OIT3: variants seen among roughly 807,000 people sequenced by gnomAD.
OIT3 encodes oncoprotein induced transcript 3, also known as oncoprotein-induced transcript 3 protein.
Under a neutral mutation model 52.2 loss-of-function variants are expected in OIT3, and 41 were observed. That is an observed-to-expected ratio of 0.79 (90% CI 0.61 to 1.02). OIT3 has a LOEUF of 1.02. Among genes scored for constraint, OIT3 ranks in the 50% least tolerant of loss-of-function variants. OIT3 has a pLI of 0.00. For missense variants in OIT3, 634 were observed against 715.5 expected (o/e 0.89, Z 1.30); for synonymous variants, 244 against 276.9 (o/e 0.88, Z 1.18).
intron 4 of OIT3, 39 bp downstream of exon 4, chr10:72,906,757 G>C: frequency 6.6e-7 from 1 of 1,519,336 alleles, no homozygotes; most frequent in Non-Finnish European, 8.8e-7. Flanking sequence ...CAAGAGCCCA[G>C]AGGAAGCCAC....
Position 72,900,461 on chromosome 10 carries a change from G to T in OIT3, c.521G>T (p.Gly174Val). The change falls in exon 3 of 9, where the codon GGC becomes GTC. Residue 174 changes from glycine to valine, a missense_variant. Transcript: ENST00000334011. ...ACATGCGCTCCAGGAACTGTGCTAGGCCCTGACAGGCAGACATGCTTTGGT... is the reference window on the plus strand; with the variant it reads ...ACATGCGCTCCAGGAACTGTGCTAGTCCCTGACAGGCAGACATGCTTTGGT... ...ECTCAPGTVL[G>V]PDRQTCFDEN... The T allele has an allele frequency of 6.2e-7, 1 of 1,605,076 alleles. No homozygotes were observed. Among genetic ancestry groups the T allele is most frequent in the South Asian group, 1.1e-5 (1 of 90,852 alleles).
intron 6 of OIT3, chr10:72,918,528 C>T (rs1846094004): frequency 7.0e-7 from 1 of 1,418,646 alleles, no homozygotes; most frequent in Non-Finnish European, 9.8e-7. Context: ...TCCATCGAAT[C>T]TTCCATCGGG....
chr10:72,922,009 C>T (rs1234298577), intron 6 of OIT3, among the ~76,000 whole-genome samples: 1 of 152,126 alleles, frequency 6.6e-6, no homozygotes, highest in Non-Finnish European at 1.5e-5. Flanking sequence ...TGAATATTGG[C>T]CCCCAGTCTC....
chr10:72,929,807 T>G (rs1364050887), intron 7 of OIT3, among the ~76,000 whole-genome samples: 1 of 152,044 alleles, frequency 6.6e-6, no homozygotes, highest in East Asian at 1.9e-4. Flanking sequence ...CCTGCCAGAG[T>G]GCTGGGATTA....
intron 6 of OIT3, chr10:72,917,971 CATT>C (rs1326722906): frequency 4.0e-5 from 34 of 840,090 alleles, no homozygotes; most frequent in Non-Finnish European, 6.5e-5. Flanking sequence ...TCAGCTTCCT[CATT>C]ATCTTCATCA....
At chr10:72,921,691 T>C (rs1846123096) in intron 6 of OIT3, among the ~76,000 whole-genome samples, 1 of 151,320 alleles carries the variant, frequency 6.6e-6, no homozygotes, top group African/African-American at 2.4e-5. Context: ...TTTTTTTTTT[T>C]TAAGACAGTC....
At chr10:72,918,270 A>G (rs1653700555) in intron 6 of OIT3, 1 of 793,724 alleles carries the variant, frequency 1.3e-6, no homozygotes, top group Admixed American at 1.7e-5. Flanking sequence ...AAAGCCCCCA[A>G]GAGAAACCGT....
intron 4 of OIT3, among the ~76,000 whole-genome samples, chr10:72,908,194 G>A (rs1488440122): frequency 6.6e-6 from 1 of 152,002 alleles, no homozygotes; most frequent in African/African-American, 2.4e-5. Context: ...AGTGAGCCAA[G>A]ATAGCGCCAC....
At chr10:72,901,181 A>T (rs1192896862) in intron 3 of OIT3, among the ~76,000 whole-genome samples, 3 of 152,150 alleles carry the variant, frequency 2.0e-5, no homozygotes, top group Non-Finnish European at 2.9e-5. Flanking sequence ...GTTTATTTTT[A>T]AAAAATTTTA....
chr10:72,913,900 C>T (rs1028721861), intron 6 of OIT3, among the ~76,000 whole-genome samples: 3 of 152,234 alleles, frequency 2.0e-5, no homozygotes, highest in Non-Finnish European at 4.4e-5. Flanking sequence ...CTGCACACAG[C>T]CCTGTGCTGG....
intron 8 of OIT3, 97 bp downstream of exon 8, chr10:72,930,734 TG>T (rs1846209856): frequency 2.7e-6 from 2 of 753,556 alleles, no homozygotes; most frequent in African/African-American, 1.8e-5. Flanking sequence ...AGCCCACTGG[TG>T]GGATCTGCAT....
intron 4 of OIT3, among the ~76,000 whole-genome samples, chr10:72,907,230 G>C (rs1012550314): frequency 6.6e-6 from 1 of 152,010 alleles, no homozygotes; most frequent in Non-Finnish European, 1.5e-5. Flanking sequence ...CTATGATTGC[G>C]CCACTGCACT....
In OIT3 at chr10:72,913,482, G is replaced by T. The variant is rs371481704; in HGVS notation, c.951+14G>T. 9 of 1,595,450 alleles carry T rather than the reference G, an allele frequency of 5.6e-6. No individual in the cohort carries two copies. Among genetic ancestry groups the T allele is most frequent in the Non-Finnish European group, 7.7e-6 (9 of 1,165,552 alleles). On this transcript the variant is annotated intron_variant, in intron 6 of 8. Transcript: ENST00000334011. ...ACAGTGGTCGATGTAGGTTCCTCCT[G>T]GAGGGCACTTGGGGAATGACCAAAA...
At chr10:72,913,646 G>A (rs748015801) in intron 6 of OIT3, 178 bp downstream of exon 6, 1 of 696,752 alleles carries the variant, frequency 1.4e-6, no homozygotes, top group South Asian at 1.5e-5. Flanking sequence ...ATCTGCTGTG[G>A]TCCTGGCACT....
chr10:72,923,827 G>A (rs1446428637), intron 6 of OIT3, among the ~76,000 whole-genome samples: 5 of 152,112 alleles, frequency 3.3e-5, no homozygotes, highest in African/African-American at 1.2e-4. Flanking sequence ...CCACAGGCTG[G>A]AATGGCTGAG....
chr10:72,932,487 T>C lies in OIT3; in HGVS notation c.1601T>C (p.Leu534Pro). Reference protein sequence around the residue: ...EDSAGLQGQTLTGGPIRIDWE... With the variant: ...EDSAGLQGQTPTGGPIRIDWE... ...TCAGCCGGTCTACAGGGCCAGACGC[T>C]AACAGGCGGCCCGATCCGCATCGAC... Residue 534 changes from leucine (L) to proline (P), a missense_variant, in exon 9 of 9, where the codon CTA (leucine) becomes CCA (proline). By Grantham distance (98) the Leu-to-Pro change is moderately conservative. Transcript: ENST00000334011. The C allele has an allele frequency of 6.2e-7, 1 of 1,612,844 alleles. No individual in the cohort carries two copies. Among genetic ancestry groups the C allele is most frequent in the Non-Finnish European group, 8.5e-7 (1 of 1,179,416 alleles).
intron 1 of OIT3, among the ~76,000 whole-genome samples, chr10:72,896,333 A>G (rs950571944): frequency 5.9e-5 from 9 of 152,178 alleles, no homozygotes; most frequent in South Asian, 2.1e-4. Context: ...TGGAAACCTT[A>G]TTTGTAAGAA....
At chr10:72,902,359 C>A (rs1457404682) in intron 3 of OIT3, among the ~76,000 whole-genome samples, 2 of 151,894 alleles carry the variant, frequency 1.3e-5, no homozygotes, top group Non-Finnish European at 2.9e-5. Context: ...TAAATGGTTC[C>A]CAAATTAAAC....
Position 72,924,663 on chromosome 10 carries a change from T to C in OIT3, c.1367+19T>C. 6.3e-7 allele frequency: 1 copy of C among 1,575,336 alleles called. No individual in the cohort carries two copies. The highest frequency in any genetic ancestry group is 8.6e-7 in the Non-Finnish European group (1 of 1,157,414). ...GGGATGGGTAATGCTGCTGCAAGAA[T>C]GGTCTCATCACCCCTAGTTCACATC... On this transcript the variant is annotated intron_variant, in intron 7 of 8. Coordinates refer to ENST00000334011, the MANE Select transcript of OIT3 (RefSeq NM_152635.3).
Sources: gnomAD v4.1 joint callset for allele counts (sites outside exome capture counted in the v4.1 genomes callset) on GRCh38, gnomAD v4.1.1 for gene constraint, MANE v1.5 for transcripts, NCBI Gene and HGNC (gene_info 2026-07-23, HGNC 2026-07-21) for gene names.